Variants in FOXK1 observed in about 807,000 individuals in gnomAD.
FOXK1 encodes the protein forkhead box protein K1.
In FOXK1, 19 loss-of-function variants were observed where a neutral mutation model predicts 51.9. That is an observed-to-expected ratio of 0.37 (90% CI 0.26 to 0.54). The LOEUF is 0.54. Ranked by LOEUF, FOXK1 falls within the 20% of genes least tolerant of loss-of-function variation. The probability of loss-of-function intolerance (pLI) is 0.87; values close to 1 mark genes in which losing one functional copy is unlikely to be tolerated. For missense variants in FOXK1, 870 were observed against 1,032.7 expected, an observed-to-expected ratio of 0.84 and a Z score of 2.16; for synonymous variants, 537 against 482.6, an observed-to-expected ratio of 1.11 and a Z score of -1.48.
At position 4,711,012 on chromosome 7, in the gene FOXK1, T is replaced by C. The variant is rs913459295; in HGVS notation, c.560+28144T>C. 4.6e-5 allele frequency among the ~76,000 whole-genome samples: 7 copies of C among 152,196 alleles called. No individual in the cohort carries two copies. Among genetic ancestry groups the C allele is most frequent in the African/African-American group, 1.7e-4 (7 of 41,446 alleles). The stretch of plus-strand genomic sequence containing the variant: ...GGAAGCCCCATCACGGTGCCTGAGC[T>C]TCACGGAGTTGCAGAGCAGCCTGGC... On this transcript the variant is annotated intron_variant, in intron 1 of 8. Transcript: ENST00000328914. The surrounding 1 kb of genome is among the most constrained non-coding windows in gnomAD (Gnocchi z 6.3).
rs1438237265 is a variant in FOXK1, at chr7:4,723,842, G to A, written c.561-16996G>A. ...ACCACCACACCTGGCTGACTTCTTT[G>A]TATTTTTGGTAAAGATGGGGATCTC... is the stretch of plus-strand genomic sequence containing the variant. On this transcript the variant is annotated intron_variant, in intron 1 of 8. Transcript: ENST00000328914. This position sits in a 1 kb window ranked among gnomAD's most constrained non-coding sequence, Gnocchi z 4.7. Among the ~76,000 whole-genome samples the A allele has an allele frequency of 6.6e-6, 1 of 152,000 alleles. No individual in the cohort carries two copies. The highest frequency in any genetic ancestry group is 1.5e-5 in the Non-Finnish European group (1 of 67,998).
In FOXK1 at chr7:4,767,182, T is replaced by C. The variant is rs890092953; in HGVS notation, c.*4718T>C. 1 of 152,202 alleles carries C rather than the reference T, an allele frequency of 6.6e-6. No individual in the cohort carries two copies. The highest frequency in any genetic ancestry group is 1.5e-5 in the Non-Finnish European group (1 of 68,052). The allele number at this position is 152,202 out of a possible 1,614,324, so 9.4% of individuals were successfully genotyped here. ...ACACCCCAAGTCCATCCTGGGCTCCTCCTCACCCCTCTGAGAAAGCCCCCC... is the reference window on the plus strand; with the variant it reads ...ACACCCCAAGTCCATCCTGGGCTCCCCCTCACCCCTCTGAGAAAGCCCCCC... On this transcript the variant is annotated 3_prime_UTR_variant, in exon 9 of 9. Transcript: ENST00000328914. The surrounding 1 kb of genome is among the most constrained non-coding windows in gnomAD (Gnocchi z 6.6).
At chr7:4,712,539 C>T (rs1243043417) in intron 1 of FOXK1, among the ~76,000 whole-genome samples, 3 of 152,146 alleles carry the variant, frequency 2.0e-5, no homozygotes, top group South Asian at 4.1e-4. Context: ...TGTCCTGCCC[C>T]GCGCGCTTAT....
intron 1 of FOXK1, among the ~76,000 whole-genome samples, chr7:4,700,580 C>T (rs139882669): frequency 9.1e-4 from 138 of 152,184 alleles, no homozygotes; most frequent in African/African-American, 3.2e-3. Flanking sequence ...CTTTGGGAGG[C>T]CGAGGTGGGA....
chr7:4,740,904 G>A lies in FOXK1; in HGVS notation c.627G>A (p.Glu209=). ...IQFTSLYHKE[E]APASPLRPLY... is the part of the protein sequence containing the mutation. Reference sequence around the variant, plus strand: ...TCACGTCGCTCTATCACAAAGAAGAGGCCCCAGCCTCCCCGCTGCGGCCAC... The same window carrying A: ...TCACGTCGCTCTATCACAAAGAAGAAGCCCCAGCCTCCCCGCTGCGGCCAC... The change falls in exon 2 of 9, where the codon GAG becomes GAA. Residue 209 remains glutamate (E), a synonymous_variant. Coordinates refer to ENST00000328914, the MANE Select transcript of FOXK1 (RefSeq NM_001037165.2). 3 of 1,589,702 alleles carry A rather than the reference G, an allele frequency of 1.9e-6. No homozygotes were observed. Among genetic ancestry groups the A allele is most frequent in the Non-Finnish European group, 2.6e-6 (3 of 1,169,672 alleles).
Position 4,740,821 on chromosome 7 carries a change from T to A in FOXK1, c.561-17T>A. ...GTCTCCTCCTGCACCTCACACCCGC[T>A]CCTCCTCCTGTTGCAGGTGTACCTT... On this transcript the variant is annotated splice_polypyrimidine_tract_variant and intron_variant, in intron 1 of 8. Coordinates refer to ENST00000328914, the MANE Select transcript of FOXK1 (RefSeq NM_001037165.2). 6.3e-7 allele frequency: 1 copy of A among 1,581,174 alleles called. No homozygotes were observed. The highest frequency in any genetic ancestry group is 8.6e-7 in the Non-Finnish European group (1 of 1,169,374).
intron 2 of FOXK1, among the ~76,000 whole-genome samples, chr7:4,744,177 G>A (rs1476664419): frequency 6.6e-6 from 1 of 152,124 alleles, no homozygotes; most frequent in Non-Finnish European, 1.5e-5. Context: ...TAGTAAAGTC[G>A]CTTTTATTAC....
intron 1 of FOXK1, among the ~76,000 whole-genome samples, chr7:4,718,020 G>C (rs1467890703): frequency 6.6e-6 from 1 of 152,280 alleles, no homozygotes; most frequent in East Asian, 1.9e-4. Flanking sequence ...CAGTGTTGAA[G>C]GAAAGGAAAG....
chr7:4,704,137 T>C (rs1177165040), intron 1 of FOXK1, among the ~76,000 whole-genome samples: 1 of 152,104 alleles, frequency 6.6e-6, no homozygotes, highest in Non-Finnish European at 1.5e-5. Flanking sequence ...AGGTGAAAGA[T>C]TTTTTAAAAT....
rs1348071744 is a variant in FOXK1, at chr7:4,753,196, GTCAGGTTTTTC to G, written c.747-1258_747-1248del. On this transcript the variant is annotated intron_variant, in intron 2 of 8. Transcript: ENST00000328914. This position sits in a 1 kb window ranked among gnomAD's most constrained non-coding sequence, Gnocchi z 4.9. ...CCTGAACTGATCATTAATGTCAGCT[GTCAGGTTTTTC>G]TCAGCCACAGGATTTTTTTCATTCA... Among the ~76,000 whole-genome samples, 1 of 152,164 alleles carries G rather than the reference GTCAGGTTTTTC, an allele frequency of 6.6e-6. No individual in the cohort carries two copies. The highest frequency in any genetic ancestry group is 2.4e-5 in the African/African-American group (1 of 41,424).
At chr7:4,705,948 A>G (rs1780084794) in intron 1 of FOXK1, among the ~76,000 whole-genome samples, 1 of 130,624 alleles carries the variant, frequency 7.7e-6, no homozygotes, top group Non-Finnish European at 1.5e-5. Context: ...TTTCAAAATT[A>G]TATATATATA....
rs1781042266 is a variant in FOXK1 at position 4,768,126 on chromosome 7, T to TTTTTTC, written c.*5667_*5668insCTTTTT. ...CAGACCCATTTCACTGACTTCTTTT[T>TTTTTTC]TTTTTTTTTTTTTTTTTTTTTTTTG... On this transcript the variant is annotated 3_prime_UTR_variant, in exon 9 of 9. Coordinates refer to ENST00000328914, the MANE Select transcript of FOXK1 (RefSeq NM_001037165.2). 1 of 116,288 alleles carries TTTTTTC rather than the reference T, an allele frequency of 8.6e-6. No individual in the cohort carries two copies. The highest frequency in any genetic ancestry group is 4.4e-5 in the African/African-American group (1 of 22,644). 7.2% of individuals were successfully genotyped at this position (116,288 alleles called of 1,614,324 possible).
chr7:4,702,664 C>T (rs1232266022), intron 1 of FOXK1, among the ~76,000 whole-genome samples: 1 of 152,162 alleles, frequency 6.6e-6, no homozygotes, highest in African/African-American at 2.4e-5. Context: ...TTGTTTAGTT[C>T]ACGCGAGTTT....
Position 4,683,520 on chromosome 7 carries a change from C to T in FOXK1, c.560+652C>T, listed in dbSNP as rs1779780471. On this transcript the variant is annotated intron_variant, in intron 1 of 8. Transcript: ENST00000328914. The surrounding 1 kb of genome is among the most constrained non-coding windows in gnomAD (Gnocchi z 4.5). Reference sequence around the variant, plus strand: ...CCACCCAGCTGGGTTACTGAGGTCACCTTGACCCCAGTCCCTGCTGCCTGG... The same window carrying T: ...CCACCCAGCTGGGTTACTGAGGTCATCTTGACCCCAGTCCCTGCTGCCTGG... 6.6e-6 allele frequency among the ~76,000 whole-genome samples: 1 copy of T among 151,802 alleles called. No homozygotes were observed. The highest frequency in any genetic ancestry group is 1.5e-5 in the Non-Finnish European group (1 of 67,894).
chr7:4,760,008 C>A (rs1218698590), intron 7 of FOXK1: 4 of 187,808 alleles, frequency 2.1e-5, no homozygotes, highest in South Asian at 2.9e-4. Flanking sequence ...CCAGCCTGGG[C>A]GACAGAGCAA....
At chr7:4,724,278 C>T (rs981824331) in intron 1 of FOXK1, among the ~76,000 whole-genome samples, 3 of 152,176 alleles carry the variant, frequency 2.0e-5, no homozygotes, top group East Asian at 3.9e-4. Flanking sequence ...TCACTGCAAC[C>T]TCCGTCTCCC....
At chr7:4,752,743 G>A (rs1366323934) in intron 2 of FOXK1, among the ~76,000 whole-genome samples, 3 of 152,218 alleles carry the variant, frequency 2.0e-5, no homozygotes, top group South Asian at 2.1e-4. Flanking sequence ...CAAGGGGGAC[G>A]TCCAGTGGCT....
In FOXK1 at chr7:4,768,737, G is replaced by A. The variant is rs939576538; in HGVS notation, c.*6273G>A. The A allele has an allele frequency of 2.6e-5, 4 of 152,234 alleles. No homozygotes were observed. Among genetic ancestry groups the A allele is most frequent in the African/African-American group, 9.6e-5 (4 of 41,452 alleles). 9.4% of individuals were successfully genotyped at this position (152,234 alleles called of 1,614,324 possible). A position where few individuals can be genotyped will look rare whatever the true frequency, so the allele number is the denominator to read the frequency against. On this transcript the variant is annotated 3_prime_UTR_variant, in exon 9 of 9. Transcript: ENST00000328914. ...CTCCGGGCAAATCAGAAGGCCACGA[G>A]AGAGAGAGGAGCGGGGAGAGTGGTG...
In FOXK1 at chr7:4,703,354, A is replaced by G. The variant is rs551288929; in HGVS notation, c.560+20486A>G. Among the ~76,000 whole-genome samples the G allele has an allele frequency of 1.6e-3, 237 of 152,248 alleles. 1 individual carries two copies. Among genetic ancestry groups the G allele is most frequent in the Non-Finnish European group, 2.8e-3 (190 of 68,012 alleles). On this transcript the variant is annotated intron_variant, in intron 1 of 8. Transcript: ENST00000328914. This position sits in a 1 kb window ranked among gnomAD's most constrained non-coding sequence, Gnocchi z 5.6. ...GACATGGAGTGGGTAGGGCGTTGTG[A>G]CAGCCTGGCTCTCAGGGGATGGGAG...
Sources: gnomAD v4.1 joint callset for allele counts (sites outside exome capture counted in the v4.1 genomes callset) on GRCh38, gnomAD v4.1.1 for gene constraint, Gnocchi (gnomAD v3.1) non-coding constraint, MANE v1.5 for transcripts, NCBI Gene and HGNC (gene_info 2026-07-23, HGNC 2026-07-21) for gene names.